CPSF6: variants seen among roughly 807,000 people sequenced by gnomAD.
CPSF6 encodes cleavage and polyadenylation specific factor 6, also known as cleavage and polyadenylation specificity factor subunit 6.
A neutral mutation model predicts 56.7 loss-of-function variants in CPSF6; 10 were observed. The ratio of observed to expected loss-of-function variants is 0.18; its 90% CI spans 0.11 to 0.30. The LOEUF is 0.30. Ranked by LOEUF, CPSF6 falls within the 10% of genes least tolerant of loss-of-function variation. The probability of loss-of-function intolerance (pLI) is 1.00; values close to 1 mark genes in which losing one functional copy is unlikely to be tolerated. For synonymous variants in CPSF6, 248 were observed against 244.8 expected (o/e 1.01, Z -0.12); for missense variants, 419 against 722.9 (o/e 0.58, Z 4.82).
Position 69,255,535 on chromosome 12 carries a change from A to ATATT in CPSF6, c.375-1141_375-1138dup, listed in dbSNP as rs553394476. On this transcript the variant is annotated intron_variant, in intron 3 of 9. Transcript: ENST00000435070. ...TGTGCAATGGTTCCAGTTTCTCCACATATTTATTTATTTATTTATTTATTG... is the reference window on the plus strand; with the variant it reads ...TGTGCAATGGTTCCAGTTTCTCCACATATTTATTTATTTATTTATTTATTTATTG... 6.1e-3 allele frequency among the ~76,000 whole-genome samples: 922 copies of ATATT among 152,056 alleles called. 4 individuals carry two copies. Among genetic ancestry groups the ATATT allele is most frequent in the African/African-American group, 0.012 (508 of 41,464 alleles).
chr12:69,240,587 T>C (rs774688405), intron 1 of CPSF6, among the ~76,000 whole-genome samples: 47 of 152,134 alleles, frequency 3.1e-4, no homozygotes, highest in Non-Finnish European at 5.9e-4. Context: ...CTCATAGTGA[T>C]TAAAATGAAA....
chr12:69,249,087 C>T (rs190515070), intron 1 of CPSF6, among the ~76,000 whole-genome samples: 57 of 145,166 alleles, frequency 3.9e-4, no homozygotes, highest in African/African-American at 1.4e-3. Context: ...GGTGAAACCC[C>T]ATCTCTACAA....
At chr12:69,262,339 T>C (rs751998681) in intron 8 of CPSF6, 34 bp from the exon 9 acceptor site, 129 of 1,511,966 alleles carry the variant, frequency 8.5e-5, no homozygotes, top group Non-Finnish European at 1.0e-4. Context: ...TATCTAATTA[T>C]GGAGAGCATT....
chr12:69,246,290 A>G (rs1871901473), intron 1 of CPSF6, among the ~76,000 whole-genome samples: 1 of 152,230 alleles, frequency 6.6e-6, no homozygotes, highest in African/African-American at 2.4e-5. Flanking sequence ...TTCTTGGACA[A>G]ATATCAGAGA....
intron 1 of CPSF6, among the ~76,000 whole-genome samples, chr12:69,246,303 C>T (rs1436522482): frequency 2.0e-5 from 3 of 152,078 alleles, no homozygotes; most frequent in African/African-American, 4.8e-5. Context: ...ATCAGAGAAA[C>T]ATTGTTTATG....
At chr12:69,254,516 T>C (rs1872413542) in intron 3 of CPSF6, among the ~76,000 whole-genome samples, 1 of 152,224 alleles carries the variant, frequency 6.6e-6, no homozygotes, top group South Asian at 2.1e-4. Context: ...CCTTTATTTC[T>C]GCTCTGATAT....
chr12:69,256,985 C>T, intron 4 of CPSF6, 143 bp downstream of exon 4: 1 of 744,782 alleles, frequency 1.3e-6, no homozygotes, highest in South Asian at 2.0e-5. Context: ...TAGATTTAAT[C>T]ACTGGTTATG....
Position 69,273,444 on chromosome 12 carries a change from T to C in CPSF6, c.*3936T>C, listed in dbSNP as rs1288546030. 2 of 164,120 alleles carry C rather than the reference T, an allele frequency of 1.2e-5. No homozygotes were observed. The highest frequency in any genetic ancestry group is 2.7e-5 in the Non-Finnish European group (2 of 74,626). 10.2% of individuals were successfully genotyped at this position (164,120 alleles called of 1,614,324 possible). On this transcript the variant is annotated 3_prime_UTR_variant, in exon 10 of 10. Transcript: ENST00000435070. The stretch of plus-strand genomic sequence containing the variant: ...CTTTTAAATACTAGGTTGAATTTAA[T>C]TGAAGTCACACACATCTTGAAGTGG...
In CPSF6 at chr12:69,271,024, A is replaced by G. The variant is rs1041458830; in HGVS notation, c.*1516A>G. On this transcript the variant is annotated 3_prime_UTR_variant, in exon 10 of 10. Transcript: ENST00000435070. ...TACTGTGTTATGTGCAACTGTAGAA[A>G]CCCTCCAGAAATTTCCACTGCTGTT... The G allele has an allele frequency of 5.9e-5, 9 of 151,752 alleles. No homozygotes were observed. The highest frequency in any genetic ancestry group is 1.2e-4 in the Non-Finnish European group (8 of 67,686). 9.4% of individuals were successfully genotyped at this position (151,752 alleles called of 1,614,324 possible).
chr12:69,251,387 C>G (rs1279741708), intron 2 of CPSF6, 49 bp downstream of exon 2: 1 of 1,204,626 alleles, frequency 8.3e-7, no homozygotes, highest in South Asian at 1.3e-5. Context: ...TGATTTTGAA[C>G]TGCTCTAGTA....
At chr12:69,269,423 A>G in intron 9 of CPSF6, 89 bp from the exon 10 acceptor site, 1 of 423,076 alleles carries the variant, frequency 2.4e-6, no homozygotes, top group Non-Finnish European at 4.7e-6. Context: ...AAGTAGATGC[A>G]CGACTTGTGT....
intron 9 of CPSF6, among the ~76,000 whole-genome samples, chr12:69,265,107 G>T (rs1872911518): frequency 6.6e-6 from 1 of 151,996 alleles, no homozygotes; most frequent in Non-Finnish European, 1.5e-5. Flanking sequence ...TGAACTGTTG[G>T]TAATGTTAAT....
Position 69,258,823 on chromosome 12 carries a change from C to T in CPSF6, c.928C>T (p.Pro310Ser). 6.2e-7 allele frequency: 1 copy of T among 1,614,018 alleles called. No individual in the cohort carries two copies. Among genetic ancestry groups the T allele is most frequent in the Non-Finnish European group, 8.5e-7 (1 of 1,179,958 alleles). ...AGGCTACGGCCCCCCTCCTGGCCCACCACCTCCACAACAGGGACCACCTCC... is the reference window on the plus strand; with the variant it reads ...AGGCTACGGCCCCCCTCCTGGCCCATCACCTCCACAACAGGGACCACCTCC... ...VPGYGPPPGP[P>S]PPQQGPPPPP... The change falls in exon 6 of 10, where the codon CCA becomes TCA. Residue 310 changes from proline to serine, a missense_variant. By Grantham distance (74) the Pro-to-Ser change is moderately conservative. Transcript: ENST00000435070. The surrounding 1 kb of genome is among the most constrained non-coding windows in gnomAD (Gnocchi z 4.2).
At chr12:69,242,554 A>C (rs192786736) in intron 1 of CPSF6, among the ~76,000 whole-genome samples, 1 of 152,330 alleles carries the variant, frequency 6.6e-6, no homozygotes, top group East Asian at 1.9e-4. Context: ...GGGAGGAGGC[A>C]CAAGGGACTG....
intron 2 of CPSF6, 81 bp from the exon 3 acceptor site, chr12:69,252,970 A>G (rs1872322713): frequency 3.8e-6 from 3 of 779,966 alleles, no homozygotes; most frequent in Non-Finnish European, 6.1e-6. Context: ...TATGTCTCAA[A>G]TTTCCCCTTA....
intron 3 of CPSF6, 107 bp from the exon 4 acceptor site, chr12:69,256,590 A>C (rs1438682962): frequency 1.8e-6 from 2 of 1,127,376 alleles, no homozygotes; most frequent in African/African-American, 3.1e-5. Context: ...CACTGTGCCC[A>C]GCTGTTGTTT....
In CPSF6 at chr12:69,271,307, C is replaced by A. The variant is rs1873230941; in HGVS notation, c.*1799C>A. 1 of 151,864 alleles carries A rather than the reference C, an allele frequency of 6.6e-6. No individual in the cohort carries two copies. The highest frequency in any genetic ancestry group is 2.4e-5 in the African/African-American group (1 of 41,294). The allele number at this position is 151,864 out of a possible 1,614,324, so 9.4% of individuals were successfully genotyped here. A position where few individuals can be genotyped will look rare whatever the true frequency, so the allele number is the denominator to read the frequency against. On this transcript the variant is annotated 3_prime_UTR_variant, in exon 10 of 10. Transcript: ENST00000435070. ...TTTTCTGTATATTGTTGTGTCATTT[C>A]TTGGCTTTTTAATATTTTGACTACA...
chr12:69,273,304 C>A lies in CPSF6; in HGVS notation c.*3796C>A, dbSNP rs886433130. On this transcript the variant is annotated 3_prime_UTR_variant, in exon 10 of 10. Coordinates refer to ENST00000435070, the MANE Select transcript of CPSF6 (RefSeq NM_007007.3). ...TTTTAGAATTTCAGGTTGTGGCATT[C>A]ACTGAGTATGCAGCTACTATGGTTT... 23 of 331,642 alleles carry A rather than the reference C, an allele frequency of 6.9e-5. No homozygotes were observed. Among genetic ancestry groups the A allele is most frequent in the Non-Finnish European group, 1.4e-4 (22 of 161,516 alleles). 20.5% of individuals were successfully genotyped at this position (331,642 alleles called of 1,614,324 possible).
Position 69,260,034 on chromosome 12 carries a change from T to TC in CPSF6, c.1316-7dup, listed in dbSNP as rs1161861522. On this transcript the variant is annotated splice_polypyrimidine_tract_variant and intron_variant, in intron 7 of 9. Transcript: ENST00000435070. ...TTGTTTGACTTCAAACCCTTTCCTT[T>TC]CCCTCACAGGTGATTATGGGAGTGC... is the stretch of plus-strand genomic sequence containing the variant. 6.2e-7 allele frequency: 1 copy of TC among 1,609,084 alleles called. No homozygotes were observed. The highest frequency in any genetic ancestry group is 8.5e-7 in the Non-Finnish European group (1 of 1,178,814).
Sources: allele counts gnomAD v4.1 joint callset (sites outside exome capture counted in the v4.1 genomes callset), GRCh38; gene constraint gnomAD v4.1.1; non-coding constraint Gnocchi (gnomAD v3.1); transcripts MANE v1.5; gene names NCBI Gene and HGNC (gene_info 2026-07-23, HGNC 2026-07-21).